VPS53: variants seen among roughly 807,000 people sequenced by gnomAD.
VPS53 encodes the protein VPS53 subunit of GARP complex, also known as vacuolar protein sorting-associated protein 53 homolog.
VPS53 carries 70 observed loss-of-function variants against 107.0 expected under a neutral mutation model. The observed-to-expected ratio is 0.65, with a 90% CI of 0.54 to 0.80. The LOEUF (loss-of-function observed/expected upper bound fraction) is 0.80, where lower values mean the gene tolerates loss of function less well. VPS53 is among the 30% of genes least tolerant of loss of function. The probability of loss-of-function intolerance (pLI) is 0.00; values close to 1 mark genes in which losing one functional copy is unlikely to be tolerated. For missense variants in VPS53, 917 were observed against 1,049.4 expected (o/e 0.87, Z 1.74); for synonymous variants, 409 against 393.3 (o/e 1.04, Z -0.47).
At chr17:657,033 C>T (rs557485755) in intron 5 of VPS53, 7 of 859,034 alleles carry the variant, frequency 8.1e-6, no homozygotes, top group South Asian at 8.0e-5. Flanking sequence ...TGAGCACCTC[C>T]AGTCACCATA....
intron 4 of VPS53, among the ~76,000 whole-genome samples, chr17:696,365 A>C (rs1972959745): frequency 6.6e-6 from 1 of 152,228 alleles, no homozygotes; most frequent in Non-Finnish European, 1.5e-5. Context: ...ATTTCAGCGT[A>C]GGATTATATG....
At chr17:677,455 T>C (rs1972213534) in intron 4 of VPS53, among the ~76,000 whole-genome samples, 1 of 152,100 alleles carries the variant, frequency 6.6e-6, no homozygotes, top group Non-Finnish European at 1.5e-5. Flanking sequence ...TTGAGGAAAG[T>C]GGGCAGGGGA....
chr17:651,163 T>C (rs960669670), intron 7 of VPS53, among the ~76,000 whole-genome samples: 1 of 152,154 alleles, frequency 6.6e-6, no homozygotes, highest in Non-Finnish European at 1.5e-5. Context: ...TCCGGAGCGA[T>C]AGCCATTAAA....
intron 2 of VPS53, chr17:705,886 AG>A (rs1307836889): frequency 6.6e-6 from 1 of 152,196 alleles, no homozygotes; most frequent in African/African-American, 2.4e-5. Context: ...CCCGGGCAAG[AG>A]AGTGAGACCC....
intron 13 of VPS53, among the ~76,000 whole-genome samples, chr17:566,753 C>G (rs564190809): frequency 5.3e-5 from 8 of 151,142 alleles, no homozygotes; most frequent in Non-Finnish European, 1.2e-4. Flanking sequence ...TTGTTTTTTG[C>G]TTTTTTTGGA....
At chr17:683,703 C>T (rs1972483617) in intron 4 of VPS53, among the ~76,000 whole-genome samples, 3 of 152,160 alleles carry the variant, frequency 2.0e-5, no homozygotes, top group Admixed American at 6.5e-5. Context: ...CTTCTTCAAA[C>T]ATAAAATAAA....
At chr17:678,873 T>C (rs1972270819) in intron 4 of VPS53, among the ~76,000 whole-genome samples, 1 of 151,986 alleles carries the variant, frequency 6.6e-6, no homozygotes, top group South Asian at 2.1e-4. Flanking sequence ...TCTCCTGACC[T>C]CGTGATCTGC....
chr17:712,199 G>C (rs1236079019), intron 1 of VPS53, among the ~76,000 whole-genome samples: 2 of 96,574 alleles, frequency 2.1e-5, no homozygotes, highest in East Asian at 6.2e-4. Flanking sequence ...TTTTTTTTTC[G>C]AGATGGAGTC....
chr17:611,697 G>A (rs1185660751), intron 11 of VPS53, among the ~76,000 whole-genome samples: 2 of 152,066 alleles, frequency 1.3e-5, no homozygotes, highest in African/African-American at 2.4e-5. Context: ...CACATAGTGA[G>A]TTCACACAGT....
At chr17:562,403 A>T in intron 14 of VPS53, 100 bp downstream of exon 14, 2 of 1,523,522 alleles carry the variant, frequency 1.3e-6, no homozygotes, top group Non-Finnish European at 1.8e-6. Context: ...CCTCCTTGAT[A>T]CTCTTGGTGG....
chr17:687,554 G>A (rs559790667), intron 4 of VPS53, among the ~76,000 whole-genome samples: 17 of 150,398 alleles, frequency 1.1e-4, no homozygotes, highest in Admixed American at 2.7e-4. Flanking sequence ...CCAGCCTGGA[G>A]AGAGAGCAAG....
intron 4 of VPS53, among the ~76,000 whole-genome samples, chr17:672,093 T>TAGAGATGATG (rs1971972328): frequency 7.9e-6 from 1 of 125,902 alleles, no homozygotes. Context: ...GGACTACAGG[T>TAGAGATGATG]AGAGATGATG....
chr17:626,978 C>T (rs1234691522), intron 10 of VPS53, among the ~76,000 whole-genome samples, 196 bp downstream of exon 10: 1 of 152,034 alleles, frequency 6.6e-6, no homozygotes, highest in African/African-American at 2.4e-5. Flanking sequence ...AACTACACCA[C>T]GGAAAGTCCC....
At chr17:604,304 C>T (rs774703176) in intron 11 of VPS53, among the ~76,000 whole-genome samples, 5 of 151,620 alleles carry the variant, frequency 3.3e-5, no homozygotes, top group South Asian at 2.1e-4. Context: ...CTCTCACTGG[C>T]GTAAAGCATC....
chr17:681,579 T>C (rs1283337490), intron 4 of VPS53, among the ~76,000 whole-genome samples: 3 of 152,232 alleles, frequency 2.0e-5, no homozygotes, highest in Non-Finnish European at 4.4e-5. Context: ...GTTGAAAATA[T>C]GAAGAAAATC....
intron 11 of VPS53, among the ~76,000 whole-genome samples, chr17:609,867 C>T (rs537071622): frequency 4.6e-4 from 70 of 152,154 alleles, no homozygotes; most frequent in South Asian, 4.2e-4. Flanking sequence ...CGGTGGCTCA[C>T]GCCTGTAATC....
intron 4 of VPS53, among the ~76,000 whole-genome samples, chr17:665,352 C>T (rs760075911): frequency 1.2e-4 from 19 of 152,218 alleles, no homozygotes; most frequent in Non-Finnish European, 2.5e-4. Context: ...GTAAGAAGCC[C>T]TTGCCTGATG....
intron 5 of VPS53, among the ~76,000 whole-genome samples, chr17:660,613 G>A (rs936737558): frequency 1.4e-4 from 21 of 147,330 alleles, no homozygotes; most frequent in African/African-American, 5.1e-4. Context: ...GGCCCCTGGT[G>A]CTGCTGGGTG....
chr17:526,164 T>C (rs546150683), intron 19 of VPS53, among the ~76,000 whole-genome samples: 2 of 152,238 alleles, frequency 1.3e-5, no homozygotes, highest in East Asian at 1.9e-4. Flanking sequence ...GTCTTCCATG[T>C]AGCAAATTTT....
Sources: gnomAD v4.1 joint callset for allele counts (sites outside exome capture counted in the v4.1 genomes callset) on GRCh38, gnomAD v4.1.1 for gene constraint, MANE v1.5 for transcripts, NCBI Gene and HGNC (gene_info 2026-07-23, HGNC 2026-07-21) for gene names.